PAPLN: variants seen among roughly 807,000 people sequenced by gnomAD.
The protein encoded by PAPLN is papilin.
In PAPLN, 146 loss-of-function variants were observed where a neutral mutation model predicts 159.0. The observed-to-expected ratio is 0.92, with a 90% CI of 0.80 to 1.05. The LOEUF (loss-of-function observed/expected upper bound fraction) is 1.05, where lower values mean the gene tolerates loss of function less well. PAPLN is among the 50% of genes least tolerant of loss of function. The probability of loss-of-function intolerance (pLI) is 0.00; values close to 1 mark genes in which losing one functional copy is unlikely to be tolerated. For missense variants in PAPLN, 1,720 were observed against 1,743.9 expected (o/e 0.99, Z 0.24); for synonymous variants, 734 against 702.9 (o/e 1.04, Z -0.70).
chr14:73,263,844 G>C, intron 20 of PAPLN, 62 bp downstream of exon 20: 1 of 1,526,688 alleles, frequency 6.6e-7, no homozygotes, highest in South Asian at 1.2e-5. Flanking sequence ...TTCCCTGACA[G>C]GTGTGTGTGA....
intron 14 of PAPLN, among the ~76,000 whole-genome samples, chr14:73,256,735 T>C (rs1885956388): frequency 6.6e-6 from 1 of 151,710 alleles, no homozygotes; most frequent in Non-Finnish European, 1.5e-5. Flanking sequence ...ATACAAATAT[T>C]AGCTGGGTGC....
chr14:73,261,170 C>T lies in PAPLN; in HGVS notation c.2121C>T (p.His707=), dbSNP rs61745818. ...RAVASTVHNT[H]QPQAQQNEPS... The stretch of plus-strand genomic sequence containing the variant: ...TTCCTCCCCAGGTCCACAACACCCA[C>T]CAGCCCCAGGCCCAGCAGAATGAGC... The change falls in exon 18 of 27, where the codon CAC becomes CAT. Residue 707 remains histidine, a synonymous_variant. Transcript: ENST00000644200. 3.6e-4 allele frequency: 587 copies of T among 1,614,174 alleles called. 6 individuals are homozygous for T. In the Middle Eastern group the frequency reaches 6.1e-3, roughly 17 times the overall value.
intron 5 of PAPLN, 80 bp from the exon 6 acceptor site, chr14:73,249,904 G>T: frequency 1.4e-6 from 2 of 1,454,344 alleles, no homozygotes; most frequent in Non-Finnish European, 9.1e-7. Flanking sequence ...ATGCTTTCCT[G>T]TTGCTAGGGT....
At chr14:73,241,968 C>T (rs1321684322) in intron 2 of PAPLN, among the ~76,000 whole-genome samples, 1 of 152,190 alleles carries the variant, frequency 6.6e-6, no homozygotes, top group African/African-American at 2.4e-5. Context: ...ATGGGTGGGG[C>T]GCCTAGCGCA....
intron 8 of PAPLN, 22 bp downstream of exon 8, chr14:73,251,588 C>T: frequency 6.2e-7 from 1 of 1,613,268 alleles, no homozygotes; most frequent in South Asian, 1.1e-5. Context: ...GGGTTAGGTC[C>T]TAGGCAGGTC....
rs1887918882 is a variant in PAPLN at position 73,273,528 on chromosome 14, A to T, written c.*864A>T. On this transcript the variant is annotated 3_prime_UTR_variant, in exon 27 of 27. Transcript: ENST00000644200. ...TGGTCTTGAACTCCCGACCTCAGGT[A>T]ATCCGCCCGCCTCGGCCTCCCAAAA... The T allele has an allele frequency of 6.7e-6, 1 of 148,810 alleles. No individual in the cohort carries two copies. The highest frequency in any genetic ancestry group is 2.5e-5 in the African/African-American group (1 of 40,150). The allele number at this position is 148,810 out of a possible 1,614,324, so 9.2% of individuals were successfully genotyped here.
In PAPLN at chr14:73,268,502, T is replaced by C. The variant is rs1324139069; in HGVS notation, c.3501-55T>C. 19 of 1,543,520 alleles carry C rather than the reference T, an allele frequency of 1.2e-5. No individual in the cohort carries two copies. In the Admixed American group the frequency reaches 3.5e-4, roughly 29 times the overall value. ...GGCCTTTGATTACCTCTTCCCTCTGTCTCCCAGACCTCCAGAGGCCCTTGA... is the reference window on the plus strand; with the variant it reads ...GGCCTTTGATTACCTCTTCCCTCTGCCTCCCAGACCTCCAGAGGCCCTTGA... On this transcript the variant is annotated intron_variant, in intron 25 of 26. Coordinates refer to ENST00000644200, the MANE Select transcript of PAPLN (RefSeq NM_001365906.3).
intron 6 of PAPLN, among the ~76,000 whole-genome samples, chr14:73,250,505 C>T (rs1013310526): frequency 1.3e-5 from 2 of 152,156 alleles, no homozygotes; most frequent in African/African-American, 4.8e-5. Flanking sequence ...CCAGCTGCTC[C>T]GACCTTCTGC....
chr14:73,269,158 AGAAAG>A, intron 26 of PAPLN, among the ~76,000 whole-genome samples: 1 of 152,226 alleles, frequency 6.6e-6, no homozygotes, highest in Non-Finnish European at 1.5e-5. Flanking sequence ...CATATAACCC[AGAAAG>A]GAAAGGGCAG....
intron 2 of PAPLN, chr14:73,244,261 C>T (rs1181208853): frequency 6.9e-5 from 12 of 175,104 alleles, no homozygotes; most frequent in Non-Finnish European, 1.2e-4. Context: ...AGGATCCCCC[C>T]ACGTTGCTTC....
At position 73,266,382 on chromosome 14, in the gene PAPLN, C is replaced by T. The variant is rs1251751798; in HGVS notation, c.3264-119C>T. On this transcript the variant is annotated intron_variant, in intron 23 of 26. Transcript: ENST00000644200. ...CACCAAACACTAGGGGATGCTTAGC[C>T]TCTCACCAGGGACCTAGAAGACCTT... 4.7e-6 allele frequency: 6 copies of T among 1,274,950 alleles called. No homozygotes were observed. In the African/African-American group the frequency reaches 8.9e-5, roughly 19 times the overall value. 79.0% of individuals were successfully genotyped at this position (1,274,950 alleles called of 1,614,324 possible).
At chr14:73,246,247 G>A (rs1047088891) in intron 5 of PAPLN, 72 bp downstream of exon 5, 11 of 1,271,026 alleles carry the variant, frequency 8.7e-6, no homozygotes, top group Non-Finnish European at 1.1e-5. Context: ...TCCTATTGCC[G>A]TATTATAGAG....
intron 10 of PAPLN, 105 bp downstream of exon 10, chr14:73,252,246 G>C: frequency 6.3e-6 from 9 of 1,420,350 alleles, no homozygotes; most frequent in Non-Finnish European, 8.3e-6. Flanking sequence ...TCCCTCCTGG[G>C]GAGATGGACA....
chr14:73,238,991 C>T (rs3742823), intron 1 of PAPLN, among the ~76,000 whole-genome samples: 10,580 of 152,294 alleles, frequency 0.069, 531 homozygotes, highest in South Asian at 0.19. Flanking sequence ...ATACACACTG[C>T]ACAGCGTGTA....
Position 73,252,743 on chromosome 14 carries a change from C to G in PAPLN, c.1062C>G (p.Ser354=). 3 of 1,613,608 alleles carry G rather than the reference C, an allele frequency of 1.9e-6. No individual in the cohort carries two copies. The highest frequency in any genetic ancestry group is 2.5e-6 in the Non-Finnish European group (3 of 1,180,010). The change falls in exon 11 of 27, where the codon TCC becomes TCG. Residue 354 remains serine (S), a synonymous_variant. Coordinates refer to ENST00000644200, the MANE Select transcript of PAPLN (RefSeq NM_001365906.3). The stretch of plus-strand genomic sequence containing the variant: ...AGCCACGGCCAGCTGACCGGCGTTC[C>G]TGCAATCTTCACCCTTGCCCGGAGA... The part of the protein sequence containing the change: ...QRQPRPADRR[S]CNLHPCPETK...
In PAPLN at chr14:73,260,794, G is replaced by A. The variant is rs773393825; in HGVS notation, c.2071G>A (p.Gly691Arg). The A allele has an allele frequency of 6.7e-7, 1 of 1,490,886 alleles. No individual in the cohort carries two copies. The allele number at this position is 1,490,886 out of a possible 1,614,324, so 92.4% of individuals were successfully genotyped here. ...AAAGTCGTATGGTGGTGACAGCACC[G>A]GGGGCATGCCCAGGTCAAGGGCAGT... ...CTKSYGGDST[G>R]GMPRSRAVAS... Residue 691 changes from glycine to arginine, a missense_variant, in exon 17 of 27, where the codon GGG becomes AGG. Gly to Arg is a moderately radical substitution (Grantham distance 125, BLOSUM62 -2). Transcript: ENST00000644200.
At position 73,251,704 on chromosome 14, in the gene PAPLN, C is replaced by T. The variant is rs1195445390; in HGVS notation, c.711C>T (p.His237=). 2.2e-5 allele frequency: 36 copies of T among 1,613,450 alleles called. No homozygotes were observed. Among genetic ancestry groups the T allele is most frequent in the Non-Finnish European group, 3.1e-5 (36 of 1,180,010 alleles). ...GTGGGGAATACTACCTCAATGGGCA[C>T]TGGACCATCGAGGCGGCCCGGGCCC... is the stretch of plus-strand genomic sequence containing the variant. ...NVRGEYYLNG[H]WTIEAARALP... The change falls in exon 9 of 27, where the codon CAC becomes CAT. Residue 237 remains histidine (H), a synonymous_variant. Transcript: ENST00000644200.
rs371503599 is a variant in PAPLN, at chr14:73,269,920, G to A, written c.3667+1197G>A. Among the ~76,000 whole-genome samples the A allele has an allele frequency of 2.8e-3, 421 of 152,346 alleles. 4 individuals are homozygous for A. The highest frequency in any genetic ancestry group is 9.6e-3 in the African/African-American group (399 of 41,582). On this transcript the variant is annotated intron_variant, in intron 26 of 26. Coordinates refer to ENST00000644200, the MANE Select transcript of PAPLN (RefSeq NM_001365906.3). ...GGGTGGAGACTGGCCAGTACTAGAA[G>A]TTGAAGGTCTGGCTGAAATGTTGCT... is the stretch of plus-strand genomic sequence containing the variant.
At chr14:73,247,144 C>T (rs931008697) in intron 5 of PAPLN, among the ~76,000 whole-genome samples, 5 of 152,256 alleles carry the variant, frequency 3.3e-5, no homozygotes, top group South Asian at 2.1e-4. Context: ...CAATGGTGCC[C>T]CACGGTCATC....
Sources: gnomAD v4.1 joint callset for allele counts (sites outside exome capture counted in the v4.1 genomes callset) on GRCh38, gnomAD v4.1.1 for gene constraint, MANE v1.5 for transcripts, NCBI Gene and HGNC (gene_info 2026-07-23, HGNC 2026-07-21) for gene names.